Variants in GALNT18 observed in about 807,000 individuals in gnomAD.
GALNT18 encodes the protein polypeptide N-acetylgalactosaminyltransferase 18.
GALNT18 carries 44 observed loss-of-function variants against 69.5 expected under a neutral mutation model. That is an observed-to-expected ratio of 0.63 (90% confidence interval 0.50 to 0.81). The LOEUF is 0.81. Ranked by LOEUF, GALNT18 falls within the 40% of genes least tolerant of loss-of-function variation. GALNT18 has a pLI of 0.00. For missense variants in GALNT18, 715 were observed against 810.0 expected, an observed-to-expected ratio of 0.88 and a Z score of 1.42; for synonymous variants, 364 against 318.2, an observed-to-expected ratio of 1.14 and a Z score of -1.53.
chr11:11,283,364 C>T (rs552907646), intron 10 of GALNT18, among the ~76,000 whole-genome samples: 1 of 152,246 alleles, frequency 6.6e-6, no homozygotes, highest in African/African-American at 2.4e-5. Context: ...CCAGGCTGGT[C>T]TCGAACTCCT....
intron 1 of GALNT18, among the ~76,000 whole-genome samples, chr11:11,611,482 A>G (rs1310055403): frequency 3.9e-5 from 6 of 152,186 alleles, no homozygotes; most frequent in Non-Finnish European, 8.8e-5. Flanking sequence ...CGGATGCGGC[A>G]CCATCAGAAA....
intron 3 of GALNT18, among the ~76,000 whole-genome samples, chr11:11,391,653 G>A (rs192207113): frequency 7.9e-5 from 12 of 152,336 alleles, no homozygotes; most frequent in East Asian, 7.7e-4. Context: ...TCTTAGGCCC[G>A]TCTTACAAAT....
chr11:11,357,349 C>T (rs1303678464), intron 6 of GALNT18, among the ~76,000 whole-genome samples: 2 of 152,068 alleles, frequency 1.3e-5, no homozygotes, highest in Admixed American at 6.5e-5. Context: ...CACTAGATTC[C>T]CAGTCTTCAA....
intron 2 of GALNT18, among the ~76,000 whole-genome samples, chr11:11,438,845 C>G (rs562123923): frequency 6.6e-6 from 1 of 152,162 alleles, no homozygotes; most frequent in Admixed American, 6.5e-5. Context: ...ATCAACACTA[C>G]TGAGTCTTTG....
At chr11:11,405,982 G>A (rs1415906359) in intron 3 of GALNT18, among the ~76,000 whole-genome samples, 1 of 152,224 alleles carries the variant, frequency 6.6e-6, no homozygotes, top group Non-Finnish European at 1.5e-5. Flanking sequence ...AGTCCTGCTG[G>A]ACCAGAAGCC....
At chr11:11,319,636 A>G (rs1046253787) in intron 9 of GALNT18, among the ~76,000 whole-genome samples, 3 of 152,320 alleles carry the variant, frequency 2.0e-5, no homozygotes, top group Non-Finnish European at 2.9e-5. Context: ...AAGAGCCTAC[A>G]TGGTATAAAA....
At position 11,387,408 on chromosome 11, in the gene GALNT18, C is replaced by G. The variant is rs1854082914; in HGVS notation, c.596-8144G>C. ...CTGGATTATACCTTTGCCACCCCAT[C>G]CCTCCAGTTGCCCAGGAGGGGAGTG... On this transcript the variant is annotated intron_variant, in intron 3 of 10. Transcript: ENST00000227756. The surrounding 1 kb of genome is among the most constrained non-coding windows in gnomAD (Gnocchi z 4.6). Among the ~76,000 whole-genome samples, 2 of 152,116 alleles carry G rather than the reference C, an allele frequency of 1.3e-5. No individual in the cohort carries two copies. The highest frequency in any genetic ancestry group is 2.1e-4 in the South Asian group (1 of 4,826).
At chr11:11,424,139 G>A (rs1383394535) in intron 3 of GALNT18, among the ~76,000 whole-genome samples, 1 of 152,230 alleles carries the variant, frequency 6.6e-6, no homozygotes, top group African/African-American at 2.4e-5. Flanking sequence ...CAAAGTAGAT[G>A]CAGGACCCCA....
intron 10 of GALNT18, among the ~76,000 whole-genome samples, chr11:11,281,751 G>A (rs576476898): frequency 1.1e-4 from 17 of 152,134 alleles, no homozygotes; most frequent in East Asian, 7.7e-4. Context: ...CTAGAAGTGC[G>A]GTGACCCTGG....
intron 10 of GALNT18, among the ~76,000 whole-genome samples, chr11:11,274,133 G>C (rs902507995): frequency 6.6e-6 from 1 of 152,158 alleles, no homozygotes; most frequent in African/African-American, 2.4e-5. Flanking sequence ...AGTGTACCGG[G>C]AGGAACAGTG....
intron 1 of GALNT18, among the ~76,000 whole-genome samples, chr11:11,488,876 G>A (rs951620378): frequency 1.3e-5 from 2 of 152,226 alleles, no homozygotes; most frequent in African/African-American, 4.8e-5. Flanking sequence ...AAAGCCAAGA[G>A]CTTTAACCTC....
chr11:11,290,395 C>T (rs1389674170), intron 10 of GALNT18, among the ~76,000 whole-genome samples: 1 of 152,176 alleles, frequency 6.6e-6, no homozygotes, highest in African/African-American at 2.4e-5. Flanking sequence ...TTCAAAATCC[C>T]AGACCTAAAC....
Position 11,496,834 on chromosome 11 carries a change from C to T in GALNT18, c.236-47898G>A, listed in dbSNP as rs552716066. ...CCTCCCACCTAATCAACCACTTCTA[C>T]GCCAGTTCCCTCACCCCCTGCCACC... On this transcript the variant is annotated intron_variant, in intron 1 of 10. Transcript: ENST00000227756. This position sits in a 1 kb window ranked among gnomAD's most constrained non-coding sequence, Gnocchi z 4.0. Among the ~76,000 whole-genome samples, 5 of 152,028 alleles carry T rather than the reference C, an allele frequency of 3.3e-5. No homozygotes were observed. Among genetic ancestry groups the T allele is most frequent in the Non-Finnish European group, 4.4e-5 (3 of 67,974 alleles).
chr11:11,286,960 C>G (rs1366146380), intron 10 of GALNT18, among the ~76,000 whole-genome samples: 1 of 152,080 alleles, frequency 6.6e-6, no homozygotes, highest in African/African-American at 2.4e-5. Context: ...TTAAAATCAC[C>G]CAGCCCAACT....
intron 1 of GALNT18, among the ~76,000 whole-genome samples, chr11:11,568,486 C>G (rs1269332992): frequency 6.6e-6 from 1 of 152,130 alleles, no homozygotes; most frequent in African/African-American, 2.4e-5. Flanking sequence ...CATGACTCAT[C>G]CTGCCAGTGA....
chr11:11,540,693 CA>C lies in GALNT18; in HGVS notation c.235+80665del, dbSNP rs530951880. The stretch of plus-strand genomic sequence containing the variant: ...GCCACCTCTAATGAGATATGCACTT[CA>C]AAAAGGCACCCTCAACAAGCACTGA... On this transcript the variant is annotated intron_variant, in intron 1 of 10. Coordinates refer to ENST00000227756, the MANE Select transcript of GALNT18 (RefSeq NM_198516.3). The surrounding 1 kb of genome is among the most constrained non-coding windows in gnomAD (Gnocchi z 4.6). Among the ~76,000 whole-genome samples, 109 of 152,244 alleles carry C rather than the reference CA, an allele frequency of 7.2e-4. No individual in the cohort carries two copies. The highest frequency in any genetic ancestry group is 2.5e-3 in the African/African-American group (103 of 41,538).
rs1188133184 is a variant in GALNT18, at chr11:11,614,027, C to G, written c.235+7332G>C. Among the ~76,000 whole-genome samples the G allele has an allele frequency of 1.3e-5, 2 of 152,184 alleles. No homozygotes were observed. The highest frequency in any genetic ancestry group is 2.9e-5 in the Non-Finnish European group (2 of 68,038). On this transcript the variant is annotated intron_variant, in intron 1 of 10. Transcript: ENST00000227756. This position sits in a 1 kb window ranked among gnomAD's most constrained non-coding sequence, Gnocchi z 5.6. ...TCTCCACAGGGCAGCCTGTCTGTCC[C>G]CATCTCCCAGATAGAACCCAGCTAA...
In GALNT18 at chr11:11,605,636, C is replaced by T. The variant is rs1447387251; in HGVS notation, c.235+15723G>A. ...CTATGCTTTCTCCTTTCTAGTGACT[C>T]TTCAGGTGTCAATTAAAATGACTTC... On this transcript the variant is annotated intron_variant, in intron 1 of 10. Transcript: ENST00000227756. This position sits in a 1 kb window ranked among gnomAD's most constrained non-coding sequence, Gnocchi z 4.7. 1.3e-5 allele frequency among the ~76,000 whole-genome samples: 2 copies of T among 152,212 alleles called. No homozygotes were observed. Among genetic ancestry groups the T allele is most frequent in the African/African-American group, 4.8e-5 (2 of 41,454 alleles).
chr11:11,545,457 T>C (rs1358583189), intron 1 of GALNT18, among the ~76,000 whole-genome samples: 1 of 152,186 alleles, frequency 6.6e-6, no homozygotes, highest in African/African-American at 2.4e-5. Context: ...TGTGTGTCCA[T>C]GTGCAGCCAT....
Sources: allele counts gnomAD v4.1 joint callset (sites outside exome capture counted in the v4.1 genomes callset), GRCh38; gene constraint gnomAD v4.1.1; non-coding constraint Gnocchi (gnomAD v3.1); transcripts MANE v1.5; gene names NCBI Gene and HGNC (gene_info 2026-07-23, HGNC 2026-07-21).